The following ARIH2 variants were observed in gnomAD, a reference collection of about 807,000 sequenced individuals.
ARIH2 encodes E3 ubiquitin-protein ligase ARIH2.
ARIH2 carries 12 observed loss-of-function variants against 79.8 expected under a neutral mutation model. The observed-to-expected ratio is 0.15, with a 90% CI of 0.10 to 0.24. The LOEUF (loss-of-function observed/expected upper bound fraction) is 0.24. ARIH2 is among the 10% of genes least tolerant of loss of function. The pLI is 1.00. For synonymous variants in ARIH2, 224 were observed against 213.9 expected, an observed-to-expected ratio of 1.05 and a Z score of -0.41; for missense variants, 301 against 618.3, an observed-to-expected ratio of 0.49 and a Z score of 5.44.
At chr3:48,969,709 G>A (rs937330784) in intron 7 of ARIH2, among the ~76,000 whole-genome samples, 9 of 151,290 alleles carry the variant, frequency 5.9e-5, no homozygotes, top group Non-Finnish European at 8.8e-5. Flanking sequence ...GGCTGGTCTC[G>A]AACTTCTGAG....
chr3:48,968,364 C>T (rs1269879123), intron 6 of ARIH2, 170 bp from the exon 7 acceptor site: 8 of 470,578 alleles, frequency 1.7e-5, no homozygotes, highest in Admixed American at 5.7e-5. Flanking sequence ...CCCGCCACTA[C>T]GCCCGGCTAA....
intron 3 of ARIH2, among the ~76,000 whole-genome samples, chr3:48,940,791 T>C (rs1322471209): frequency 2.5e-5 from 1 of 39,704 alleles, no homozygotes; most frequent in South Asian, 1.4e-3. Context: ...GGAGACTCCG[T>C]CTCAAAAAAA....
intron 3 of ARIH2, among the ~76,000 whole-genome samples, chr3:48,946,734 C>T (rs1037924723): frequency 6.6e-6 from 1 of 151,992 alleles, no homozygotes; most frequent in Non-Finnish European, 1.5e-5. Flanking sequence ...TCCCCAGTAG[C>T]GTCTAACCCA....
intron 3 of ARIH2, among the ~76,000 whole-genome samples, chr3:48,956,088 A>T (rs1040953200): frequency 1.3e-5 from 2 of 151,572 alleles, no homozygotes; most frequent in South Asian, 2.1e-4. Context: ...TTTGAGAGAG[A>T]GAGTCTCCAA....
intron 15 of ARIH2, 69 bp downstream of exon 15, chr3:48,983,048 G>A (rs893492979): frequency 7.8e-6 from 12 of 1,542,986 alleles, no homozygotes; most frequent in Admixed American, 1.7e-5. Context: ...AGGTGACAGC[G>A]TTGTTGGCTT....
rs201128282 is a variant in ARIH2 at position 48,973,826 on chromosome 3, G to T, written c.888+10G>T. The T allele has an allele frequency of 6.3e-7, 1 of 1,590,326 alleles. No homozygotes were observed. The highest frequency in any genetic ancestry group is 8.6e-7 in the Non-Finnish European group (1 of 1,158,824). ...TGCTCACACTAAAGACGTAAGGACC[G>T]TATTTTACCTCTCATGGATTTGCCC... On this transcript the variant is annotated intron_variant, in intron 9 of 15. Transcript: ENST00000356401.
chr3:48,962,246 G>GCACTC (rs912001225), intron 4 of ARIH2, among the ~76,000 whole-genome samples: 20 of 151,888 alleles, frequency 1.3e-4, no homozygotes, highest in Non-Finnish European at 1.5e-5. Context: ...GCGTGGTGGT[G>GCACTC]CACTCCTGTA....
intron 2 of ARIH2, among the ~76,000 whole-genome samples, chr3:48,925,433 T>A (rs909281711): frequency 1.6e-5 from 2 of 128,840 alleles, no homozygotes; most frequent in Non-Finnish European, 3.3e-5. Context: ...TTTTTTTTTT[T>A]AAATGTGTTG....
intron 3 of ARIH2, among the ~76,000 whole-genome samples, chr3:48,939,417 C>G (rs1187056908): frequency 6.6e-6 from 1 of 151,942 alleles, no homozygotes; most frequent in Non-Finnish European, 1.5e-5. Flanking sequence ...TTTATGTACA[C>G]AGAGCTTAGG....
At chr3:48,959,499 C>G (rs1334078174) in intron 3 of ARIH2, among the ~76,000 whole-genome samples, 2 of 151,024 alleles carry the variant, frequency 1.3e-5, no homozygotes, top group African/African-American at 4.9e-5. Flanking sequence ...ATTTGGGAAA[C>G]CTAGGCCTAG....
In ARIH2 at chr3:48,918,922, C is replaced by A; in HGVS notation, c.-238C>A. 2.5e-6 allele frequency: 4 copies of A among 1,596,932 alleles called. No homozygotes were observed. Among genetic ancestry groups the A allele is most frequent in the Admixed American group, 1.7e-5 (1 of 58,336 alleles). ...CCCGCCGCCTCCGCTGCCGCTTCGC[C>A]CCAATCCGGTCCCTCTGGCCCGGCC... On this transcript the variant is annotated 5_prime_UTR_variant, in exon 1 of 16. Coordinates refer to ENST00000356401, the MANE Select transcript of ARIH2 (RefSeq NM_006321.4).
chr3:48,942,169 G>C (rs1032987184), intron 3 of ARIH2, among the ~76,000 whole-genome samples: 1 of 151,306 alleles, frequency 6.6e-6, no homozygotes, highest in Non-Finnish European at 1.5e-5. Flanking sequence ...TCCTGCTTCA[G>C]CCTCCTAAAT....
chr3:48,983,011 T>C, intron 15 of ARIH2, 32 bp downstream of exon 15: 1 of 1,596,536 alleles, frequency 6.3e-7, no homozygotes, highest in African/African-American at 1.3e-5. Flanking sequence ...GGATTCTATA[T>C]TGCAGGTAGA....
chr3:48,927,847 C>T, intron 3 of ARIH2, 34 bp downstream of exon 3: 1 of 1,604,296 alleles, frequency 6.2e-7, no homozygotes, highest in South Asian at 1.1e-5. Flanking sequence ...TGTAATCCCC[C>T]CCAGTTAAAT....
rs2092840557 is a variant in ARIH2, at chr3:48,984,117, A to G, written c.*847A>G. 6.6e-6 allele frequency: 1 copy of G among 152,608 alleles called. No homozygotes were observed. Among genetic ancestry groups the G allele is most frequent in the Non-Finnish European group, 1.5e-5 (1 of 68,070 alleles). The allele number at this position is 152,608 out of a possible 1,614,324, so 9.5% of individuals were successfully genotyped here. On this transcript the variant is annotated 3_prime_UTR_variant, in exon 16 of 16. Coordinates refer to ENST00000356401, the MANE Select transcript of ARIH2 (RefSeq NM_006321.4). ...GTGTTGCCTTTTGTCTCCTAAAGAT[A>G]GGGATCTACTTTTGAAGGGAATTGT...
In ARIH2 at chr3:48,980,367, T is replaced by C; in HGVS notation, c.1128T>C (p.Asn376=). Reference sequence around the variant, plus strand: ...GTGCCCTGTAGTGGGAAAACCACAATAAAAGCTTGCAGCTAGAGGCACAGA... The same window carrying C: ...GTGCCCTGTAGTGGGAAAACCACAACAAAAGCTTGCAGCTAGAGGCACAGA... ...LFYFERWENH[N]KSLQLEAQTY... is the part of the protein sequence containing the mutation. Residue 376 remains asparagine (N), a synonymous_variant, in exon 13 of 16, where the codon AAT becomes AAC. Coordinates refer to ENST00000356401, the MANE Select transcript of ARIH2 (RefSeq NM_006321.4). 6.2e-7 allele frequency: 1 copy of C among 1,613,512 alleles called. No homozygotes were observed. Among genetic ancestry groups the C allele is most frequent in the Non-Finnish European group, 8.5e-7 (1 of 1,179,872 alleles).
chr3:48,958,657 C>G (rs964581816), intron 3 of ARIH2, among the ~76,000 whole-genome samples: 1 of 151,544 alleles, frequency 6.6e-6, no homozygotes, highest in Non-Finnish European at 1.5e-5. Flanking sequence ...TGCAGTGAGT[C>G]GAGATCGTAC....
chr3:48,933,751 C>G (rs947676395), intron 3 of ARIH2, among the ~76,000 whole-genome samples: 1 of 151,310 alleles, frequency 6.6e-6, no homozygotes, highest in East Asian at 2.0e-4. Context: ...CGGGCTTTCA[C>G]CTTGTTTGCC....
chr3:48,963,398 G>A (rs1369764955), intron 4 of ARIH2, among the ~76,000 whole-genome samples: 2 of 152,086 alleles, frequency 1.3e-5, no homozygotes, highest in Non-Finnish European at 2.9e-5. Context: ...GAATAAAACG[G>A]GCCCCTCAAT....
Sources: gnomAD v4.1 joint callset for allele counts (sites outside exome capture counted in the v4.1 genomes callset) on GRCh38, gnomAD v4.1.1 for gene constraint, MANE v1.5 for transcripts, NCBI Gene and HGNC (gene_info 2026-07-23, HGNC 2026-07-21) for gene names.